Variants in ALAS2 observed in about 807,000 individuals in gnomAD.
The protein encoded by ALAS2 is 5'-aminolevulinate synthase 2.
Under a neutral mutation model 33.7 loss-of-function variants are expected in ALAS2, and 3 were observed. The observed-to-expected ratio is 0.09, with a 90% CI of 0.04 to 0.23. The LOEUF (loss-of-function observed/expected upper bound fraction) is 0.23. Ranked by LOEUF, ALAS2 falls within the 10% of genes least tolerant of loss-of-function variation. ALAS2 has a pLI of 1.00. For missense variants in ALAS2, 304 were observed against 475.1 expected (o/e 0.64, Z 3.35); for synonymous variants, 191 against 177.3 (o/e 1.08, Z -0.61).
At chrX:55,014,276 C>A (rs191678738) in intron 9 of ALAS2, among the ~76,000 whole-genome samples, 12 of 111,847 alleles carry the variant, frequency 1.1e-4, no homozygotes, top group African/African-American at 3.3e-4. Flanking sequence ...ATAAGAAGTA[C>A]GTTTTACACC....
chrX:55,015,798 T>C, intron 7 of ALAS2, 56 bp from the exon 8 acceptor site: 1 of 1,178,171 alleles, frequency 8.5e-7, no homozygotes, highest in African/African-American at 1.8e-5. Context: ...CAGCTCCATC[T>C]CCAATGTGGA....
rs1193324953 is a variant in ALAS2, at chrX:55,014,927, A to G, written c.1257T>C (p.Phe419=). The G allele has an allele frequency of 8.3e-7, 1 of 1,209,518 alleles. No individual in the cohort carries two copies. Among genetic ancestry groups the G allele is most frequent in the Admixed American group, 2.2e-5 (1 of 45,903 alleles). ...GCACCATGGGGGGCAGAGAAGTGGT[A>G]AAGATGAAGCCTGCAGCATAGGAGC... ...MVRSYAAGFI[F]TTSLPPMVLS... is the part of the protein sequence containing the mutation. Residue 419 remains phenylalanine, a synonymous_variant, in exon 9 of 11, where the codon TTT becomes TTC. Transcript: ENST00000650242.
intron 4 of ALAS2, 45 bp from the exon 5 acceptor site, chrX:55,021,319 C>T (rs768964326): frequency 3.8e-6 from 4 of 1,047,994 alleles, no homozygotes; most frequent in Non-Finnish European, 5.4e-6. Flanking sequence ...TTTTAAGTCT[C>T]TCCCTGGCTA....
chrX:55,025,754 G>A (rs1935880984), intron 2 of ALAS2, 66 bp downstream of exon 2: 2 of 1,098,137 alleles, frequency 1.8e-6, no homozygotes, highest in Non-Finnish European at 1.3e-6. Context: ...AAGATGGCCA[G>A]TATAACTTGG....
chrX:55,022,267 T>C (rs1010933641), intron 4 of ALAS2, among the ~76,000 whole-genome samples: 2 of 112,024 alleles, frequency 1.8e-5, no homozygotes, highest in African/African-American at 6.5e-5. Flanking sequence ...TGGAAATACA[T>C]ATCAAAAGTT....
chrX:55,024,987 G>T, intron 2 of ALAS2, 147 bp from the exon 3 acceptor site: 2 of 767,138 alleles, frequency 2.6e-6, no homozygotes, highest in Non-Finnish European at 2.0e-6. Context: ...CCCTGTGCTA[G>T]GGGAGCTACT....
At chrX:55,015,801 A>C (rs1935688738) in intron 7 of ALAS2, 59 bp from the exon 8 acceptor site, 1 of 1,170,989 alleles carries the variant, frequency 8.5e-7, no homozygotes, top group Non-Finnish European at 1.2e-6. Context: ...CTCCATCTCC[A>C]ATGTGGAATT....
intron 3 of ALAS2, 42 bp downstream of exon 3, chrX:55,024,676 C>T (rs770993636): frequency 2.5e-6 from 3 of 1,208,772 alleles, no homozygotes; most frequent in Non-Finnish European, 3.4e-6. Context: ...TGTGTTCAAG[C>T]ATTAGGAGTA....
rs763801394 is a variant in ALAS2 at position 55,016,430 on chromosome X, T to C, written c.1004-688A>G. Among the ~76,000 whole-genome samples, 156 of 111,925 alleles carry C rather than the reference T, an allele frequency of 1.4e-3. 1 individual carries two copies. The highest frequency in any genetic ancestry group is 2.6e-3 in the Non-Finnish European group (137 of 53,249). Reference sequence around the variant, plus strand: ...CTATTTAATTATTATCACTTACATTTTTCAAATAAGCAACTGAGAACTGAG... The same window carrying C: ...CTATTTAATTATTATCACTTACATTCTTCAAATAAGCAACTGAGAACTGAG... On this transcript the variant is annotated intron_variant, in intron 7 of 10. Coordinates refer to ENST00000650242, the MANE Select transcript of ALAS2 (RefSeq NM_000032.5).
At chrX:55,020,189 A>C (rs955556836) in intron 6 of ALAS2, 131 bp downstream of exon 6, 47 of 643,921 alleles carry the variant, frequency 7.3e-5, no homozygotes, top group Non-Finnish European at 1.1e-4. Flanking sequence ...GAGGATATGC[A>C]AGGTGGATAA....
rs1329092271 is a variant in ALAS2, at chrX:55,030,933, A to T, written c.-16+9T>A. On this transcript the variant is annotated intron_variant, in intron 1 of 10. Transcript: ENST00000650242. ...AGAGATAGGGTGCCAGGCTGAAAGCAGCTCTTACCTGTTGCCCTGCACTGA... is the reference window on the plus strand; with the variant it reads ...AGAGATAGGGTGCCAGGCTGAAAGCTGCTCTTACCTGTTGCCCTGCACTGA... 2.9e-6 allele frequency: 1 copy of T among 342,085 alleles called. No individual in the cohort carries two copies. Among genetic ancestry groups the T allele is most frequent in the African/African-American group, 2.6e-5 (1 of 38,351 alleles). 28.2% of individuals were successfully genotyped at this position (342,085 alleles called of 1,213,427 possible).
At chrX:55,027,332 T>A (rs1489359005) in intron 1 of ALAS2, among the ~76,000 whole-genome samples, 4 of 107,217 alleles carry the variant, frequency 3.7e-5, no homozygotes, top group Non-Finnish European at 5.8e-5. Flanking sequence ...TTGAGGGAGA[T>A]GAGAGAGAGA....
intron 1 of ALAS2, chrX:55,027,908 C>A: frequency 1.5e-6 from 1 of 685,163 alleles, no homozygotes; most frequent in South Asian, 2.2e-5. Flanking sequence ...ATGAAACAAT[C>A]CAAGTTAAGC....
chrX:55,020,255 C>G, intron 6 of ALAS2, 65 bp downstream of exon 6: 1 of 1,078,609 alleles, frequency 9.3e-7, no homozygotes, highest in Non-Finnish European at 1.3e-6. Context: ...AGTGATGGAA[C>G]CAGTGAAACT....
chrX:55,023,712 C>T, intron 4 of ALAS2, 45 bp downstream of exon 4: 2 of 1,068,628 alleles, frequency 1.9e-6, no homozygotes, highest in African/African-American at 1.8e-5. Context: ...TTTCAGAATG[C>T]CTTCCCTATT....
intron 6 of ALAS2, among the ~76,000 whole-genome samples, chrX:55,019,001 A>C (rs971110237): frequency 2.7e-5 from 3 of 111,207 alleles, no homozygotes; most frequent in Non-Finnish European, 5.7e-5. Flanking sequence ...ACTCAAAAAA[A>C]GTTTCTGAGA....
intron 10 of ALAS2, among the ~76,000 whole-genome samples, chrX:55,011,311 A>C: frequency 8.9e-6 from 1 of 112,199 alleles, no homozygotes; most frequent in East Asian, 2.8e-4. Context: ...TGTATATTAA[A>C]GATCAGTATC....
rs780568189 is a variant in ALAS2, at chrX:55,021,114, G to A, written c.576C>T (p.Ser192=). The A allele has an allele frequency of 2.5e-6, 3 of 1,211,602 alleles. No individual in the cohort carries two copies. Among genetic ancestry groups the A allele is most frequent in the Non-Finnish European group, 2.2e-6 (2 of 895,492 alleles). ...CCAGGTAATCATTACTACACCAGAC[G>A]GACACATCCTTTGAGGCCACAGATG... is the stretch of plus-strand genomic sequence containing the variant. ...SEASVASKDV[S]VWCSNDYLGM... The change falls in exon 5 of 11, where the codon TCC becomes TCT. Residue 192 remains serine (S), a synonymous_variant. Transcript: ENST00000650242.
Position 55,009,058 on chromosome X carries a change from T to C in ALAS2, c.*122A>G. 1 of 918,332 alleles carries C rather than the reference T, an allele frequency of 1.1e-6. No individual in the cohort carries two copies. Among genetic ancestry groups the C allele is most frequent in the Non-Finnish European group, 1.5e-6 (1 of 658,655 alleles). The allele number at this position is 918,332 out of a possible 1,213,427, so 75.7% of individuals were successfully genotyped here. A position where few individuals can be genotyped will look rare whatever the true frequency, so the allele number is the denominator to read the frequency against. ...CTGTCCAATAAAAGGCTTCACATGCTGTGGTTTGTGCTTTATTTTTAGGCT... is the reference window on the plus strand; with the variant it reads ...CTGTCCAATAAAAGGCTTCACATGCCGTGGTTTGTGCTTTATTTTTAGGCT... On this transcript the variant is annotated 3_prime_UTR_variant, in exon 11 of 11. Coordinates refer to ENST00000650242, the MANE Select transcript of ALAS2 (RefSeq NM_000032.5).
Sources: allele counts gnomAD v4.1 joint callset (sites outside exome capture counted in the v4.1 genomes callset), GRCh38; gene constraint gnomAD v4.1.1; transcripts MANE v1.5; gene names NCBI Gene and HGNC (gene_info 2026-07-23, HGNC 2026-07-21).